FANCM: variants seen among roughly 807,000 people sequenced by gnomAD.
FANCM encodes FA complementation group M.
FANCM carries 140 observed loss-of-function variants against 199.5 expected under a neutral mutation model. The ratio of observed to expected loss-of-function variants is 0.70; its 90% CI spans 0.61 to 0.81. The LOEUF (loss-of-function observed/expected upper bound fraction) is 0.81, where lower values mean the gene tolerates loss of function less well. Ranked by LOEUF, FANCM falls within the 30% of genes least tolerant of loss-of-function variation. The pLI, the probability that FANCM is intolerant of heterozygous loss-of-function variation, is 0.00. For synonymous variants in FANCM, 840 were observed against 836.8 expected (o/e 1.00, Z -0.07); for missense variants, 2,410 against 2,421.4 (o/e 1.00, Z 0.10).
chr14:45,183,070 G>A (rs918309281), intron 16 of FANCM, among the ~76,000 whole-genome samples: 1 of 151,976 alleles, frequency 6.6e-6, no homozygotes, highest in Non-Finnish European at 1.5e-5. Context: ...TCGTAAGTTG[G>A]GGACCATATG....
At chr14:45,142,312 T>C (rs1886028364) in intron 3 of FANCM, among the ~76,000 whole-genome samples, 1 of 150,680 alleles carries the variant, frequency 6.6e-6, no homozygotes, top group South Asian at 2.1e-4. Context: ...TTTTTTCTTT[T>C]TTTTTTTTTT....
Position 45,167,181 on chromosome 14 carries a change from T to G in FANCM, c.2002+18T>G. 1.4e-6 allele frequency: 2 copies of G among 1,438,124 alleles called. No individual in the cohort carries two copies. The highest frequency in any genetic ancestry group is 2.0e-6 in the Non-Finnish European group (2 of 1,019,398). 89.1% of individuals were successfully genotyped at this position (1,438,124 alleles called of 1,614,324 possible). A position where few individuals can be genotyped will look rare whatever the true frequency, so the allele number is the denominator to read the frequency against. Reference sequence around the variant, plus strand: ...TAGGGATGGTAAATAAATTTTGCATTTGACACATGCATTTTTCCCCTGTTC... The same window carrying G: ...TAGGGATGGTAAATAAATTTTGCATGTGACACATGCATTTTTCCCCTGTTC... On this transcript the variant is annotated intron_variant, in intron 11 of 22. Transcript: ENST00000267430.
chr14:45,193,790 T>C (rs1889907101), intron 20 of FANCM, among the ~76,000 whole-genome samples: 1 of 152,086 alleles, frequency 6.6e-6, no homozygotes, highest in South Asian at 2.1e-4. Flanking sequence ...GTTTTAGATA[T>C]TCAGAGTCCC....
Position 45,155,402 on chromosome 14 carries a change from C to T in FANCM, c.1339C>T (p.His447Tyr). The change falls in exon 8 of 23, where the codon CAT (histidine) becomes TAT (tyrosine). Residue 447 changes from histidine to tyrosine, a missense_variant. His to Tyr is a moderately conservative substitution (Grantham distance 83, BLOSUM62 2). Transcript: ENST00000267430. ...TAAAAATAAAAAATTTGTTTATAGT[C>T]ATCCAAAGTTAAAGAAATTAGAAGA... is the stretch of plus-strand genomic sequence containing the variant. ...GDKNKKFVYSHPKLKKLEEVV... is the reference protein window; with the variant it reads ...GDKNKKFVYSYPKLKKLEEVV... 1 of 1,458,972 alleles carries T rather than the reference C, an allele frequency of 6.9e-7. No individual in the cohort carries two copies. The highest frequency in any genetic ancestry group is 9.6e-7 in the Non-Finnish European group (1 of 1,040,970). 90.4% of individuals were successfully genotyped at this position (1,458,972 alleles called of 1,614,324 possible).
At position 45,183,797 on chromosome 14, in the gene FANCM, G is replaced by A. The variant is rs534488351; in HGVS notation, c.4410G>A (p.Glu1470=). Residue 1470 remains glutamate (E), a synonymous_variant, in exon 17 of 23, where the codon GAG becomes GAA. Coordinates refer to ENST00000267430, the MANE Select transcript of FANCM (RefSeq NM_020937.4). ...AGTCAGAATTATCATCTAGTGATGA[G>A]AGTGAGAATTTTCCCAAACCATGTT... ...INRSELSSSD[E]SENFPKPCSQ... is the part of the protein sequence containing the mutation. 5 of 1,608,376 alleles carry A rather than the reference G, an allele frequency of 3.1e-6. No homozygotes were observed. Among genetic ancestry groups the A allele is most frequent in the Non-Finnish European group, 4.3e-6 (5 of 1,175,090 alleles).
In FANCM at chr14:45,140,628, T is replaced by C. The variant is rs1566721529; in HGVS notation, c.682-4T>C. 4.5e-6 allele frequency: 7 copies of C among 1,567,354 alleles called. No individual in the cohort carries two copies. Among genetic ancestry groups the C allele is most frequent in the Non-Finnish European group, 6.1e-6 (7 of 1,139,368 alleles). ...TGAAACTAAAGAACTTTTTTTTTCTTAAGGTTGTAAGAGAACTAGTCAAAT... is the reference window on the plus strand; with the variant it reads ...TGAAACTAAAGAACTTTTTTTTTCTCAAGGTTGTAAGAGAACTAGTCAAAT... On this transcript the variant is annotated splice_region_variant and splice_polypyrimidine_tract_variant and intron_variant, in intron 2 of 22. Coordinates refer to ENST00000267430, the MANE Select transcript of FANCM (RefSeq NM_020937.4).
intron 7 of FANCM, 73 bp from the exon 8 acceptor site, chr14:45,155,300 C>A: frequency 1.5e-6 from 1 of 674,592 alleles, no homozygotes; most frequent in East Asian, 2.9e-5. Context: ...GAAAAGATAA[C>A]TTTCATATAC....
rs770273112 is a variant in FANCM at position 45,176,511 on chromosome 14, A to G, written c.3757A>G (p.Asn1253Asp). The G allele has an allele frequency of 6.2e-7, 1 of 1,604,660 alleles. No individual in the cohort carries two copies. Among genetic ancestry groups the G allele is most frequent in the South Asian group, 1.1e-5 (1 of 89,504 alleles). Residue 1253 changes from asparagine (N) to aspartate (D), a missense_variant, in exon 14 of 23, where the codon AAT (asparagine) becomes GAT (aspartate). Coordinates refer to ENST00000267430, the MANE Select transcript of FANCM (RefSeq NM_020937.4). ...AATATTGGAACATACATCAGATAGC[A>G]ATAGACCTCTAGATGATCTATATGG... The part of the protein sequence containing the change: ...DEILEHTSDS[N>D]RPLDDLYGRY...
At position 45,200,741 on chromosome 14, in the gene FANCM, G is replaced by A. The variant is rs917974317; in HGVS notation, c.*733G>A. On this transcript the variant is annotated 3_prime_UTR_variant, in exon 23 of 23. Transcript: ENST00000267430. ...CTCAGAGGATCTGATGGTTTTATAAGCTTTTCCTCTGTTCACTCTGCAGTT... is the reference window on the plus strand; with the variant it reads ...CTCAGAGGATCTGATGGTTTTATAAACTTTTCCTCTGTTCACTCTGCAGTT... 6.6e-6 allele frequency: 1 copy of A among 152,152 alleles called. No individual in the cohort carries two copies. The highest frequency in any genetic ancestry group is 2.4e-5 in the African/African-American group (1 of 41,420). The allele number at this position is 152,152 out of a possible 1,614,324, so 9.4% of individuals were successfully genotyped here.
chr14:45,196,258 T>C lies in FANCM; in HGVS notation c.5427T>C (p.Leu1809=). 1 of 1,614,070 alleles carries C rather than the reference T, an allele frequency of 6.2e-7. No individual in the cohort carries two copies. Among genetic ancestry groups the C allele is most frequent in the Non-Finnish European group, 8.5e-7 (1 of 1,179,956 alleles). The change falls in exon 21 of 23, where the codon CTT becomes CTC. Residue 1809 remains leucine, a synonymous_variant. Coordinates refer to ENST00000267430, the MANE Select transcript of FANCM (RefSeq NM_020937.4). The stretch of plus-strand genomic sequence containing the variant: ...ATTTAGCTGGGACACATACTTCTCT[T>C]AGACTTCCGCAGGAAGGAAAAGGAA... ...RPHLAGTHTS[L]RLPQEGKGTC... is the part of the protein sequence containing the mutation.
chr14:45,148,839 T>G lies in FANCM; in HGVS notation c.762T>G (p.Ala254=), dbSNP rs1886616147. 1 of 1,603,616 alleles carries G rather than the reference T, an allele frequency of 6.2e-7. No individual in the cohort carries two copies. Among genetic ancestry groups the G allele is most frequent in the Admixed American group, 1.7e-5 (1 of 59,978 alleles). ...CATACTTAATTGATTTCATATAGGC[T>G]GTGCAACAAGTTATTACTAACCTGC... ...LSATPGSDIK[A]VQQVITNLLI... Residue 254 remains alanine (A), a splice_region_variant and synonymous_variant, in exon 4 of 23, where the codon GCT becomes GCG. Coordinates refer to ENST00000267430, the MANE Select transcript of FANCM (RefSeq NM_020937.4).
intron 3 of FANCM, among the ~76,000 whole-genome samples, chr14:45,141,256 C>G (rs1476537793): frequency 1.4e-5 from 2 of 145,496 alleles, no homozygotes; most frequent in African/African-American, 5.1e-5. Flanking sequence ...CCACTGCACT[C>G]CAGCCTGGGC....
chr14:45,174,541 C>G (rs983449496), intron 13 of FANCM, among the ~76,000 whole-genome samples: 10 of 152,074 alleles, frequency 6.6e-5, no homozygotes, highest in Non-Finnish European at 1.2e-4. Context: ...CTTAGAAATT[C>G]ACTATACGAA....
intron 20 of FANCM, among the ~76,000 whole-genome samples, chr14:45,194,700 A>G (rs1046259927): frequency 2.0e-5 from 3 of 152,088 alleles, no homozygotes; most frequent in Admixed American, 6.6e-5. Flanking sequence ...CCATGTTTGT[A>G]TCCTCTTAAA....
At chr14:45,171,169 G>T in intron 12 of FANCM, among the ~76,000 whole-genome samples, 1 of 147,474 alleles carries the variant, frequency 6.8e-6, no homozygotes. Flanking sequence ...ATGAGGTCTC[G>T]CTCTGTTGTC....
chr14:45,136,041 C>A lies in FANCM; in HGVS notation c.10C>A (p.Arg4=). The change falls in exon 1 of 23, where the codon CGG becomes AGG. Residue 4 remains arginine, a synonymous_variant. Coordinates refer to ENST00000267430, the MANE Select transcript of FANCM (RefSeq NM_020937.4). ...GGTGGTTGTCGGCCTAATGAGCGGACGGCAAAGAACGCTTTTTCAGACGTG... is the reference window on the plus strand; with the variant it reads ...GGTGGTTGTCGGCCTAATGAGCGGAAGGCAAAGAACGCTTTTTCAGACGTG... MSG[R]QRTLFQTWGS... 1 of 1,613,408 alleles carries A rather than the reference C, an allele frequency of 6.2e-7. No individual in the cohort carries two copies. Among genetic ancestry groups the A allele is most frequent in the Non-Finnish European group, 8.5e-7 (1 of 1,180,020 alleles).
intron 13 of FANCM, 81 bp from the exon 14 acceptor site, chr14:45,174,990 T>A: frequency 2.7e-6 from 2 of 749,516 alleles, no homozygotes; most frequent in Non-Finnish European, 4.6e-6. Context: ...TATTTTAATA[T>A]AGAGTGAAAC....
At chr14:45,180,216 C>A (rs892087601) in intron 14 of FANCM, among the ~76,000 whole-genome samples, 3 of 152,192 alleles carry the variant, frequency 2.0e-5, no homozygotes, top group African/African-American at 2.4e-5. Flanking sequence ...GGTTTCTATA[C>A]AACAGGAGTT....
chr14:45,152,334 C>T (rs1030066258), intron 5 of FANCM, among the ~76,000 whole-genome samples: 1 of 152,066 alleles, frequency 6.6e-6, no homozygotes, highest in African/African-American at 2.4e-5. Flanking sequence ...CAGTGCCCAA[C>T]CTTTCTTTTT....
Sources: gnomAD v4.1 joint callset for allele counts (sites outside exome capture counted in the v4.1 genomes callset) on GRCh38, gnomAD v4.1.1 for gene constraint, MANE v1.5 for transcripts, NCBI Gene and HGNC (gene_info 2026-07-23, HGNC 2026-07-21) for gene names.